Variants in PARD3B observed in about 807,000 individuals in gnomAD.
The protein encoded by PARD3B is partitioning defective 3 homolog B.
In PARD3B, 103 loss-of-function variants were observed where a neutral mutation model predicts 130.2. The observed-to-expected ratio is 0.79, with a 90% CI of 0.67 to 0.93. The LOEUF (loss-of-function observed/expected upper bound fraction) is 0.93, where lower values mean the gene tolerates loss of function less well. Among genes scored for constraint, PARD3B ranks in the 40% least tolerant of loss-of-function variants. The pLI is 0.00. For missense variants in PARD3B, 1,609 were observed against 1,499.2 expected (o/e 1.07, Z -1.21); for synonymous variants, 583 against 553.2 (o/e 1.05, Z -0.76).
intron 1 of PARD3B, among the ~76,000 whole-genome samples, chr2:204,616,644 T>C (rs191182125): frequency 9.5e-4 from 145 of 152,350 alleles, no homozygotes; most frequent in African/African-American, 3.4e-3. Context: ...TGAAAACTTA[T>C]GTTCACACAA....
At chr2:205,100,257 T>A (rs1046627101) in intron 4 of PARD3B, among the ~76,000 whole-genome samples, 4 of 152,262 alleles carry the variant, frequency 2.6e-5, no homozygotes, top group African/African-American at 9.6e-5. Flanking sequence ...GATATAAAAC[T>A]TTATAGCAAA....
At chr2:205,163,364 TTGA>T (rs1352533931) in intron 11 of PARD3B, among the ~76,000 whole-genome samples, 1 of 152,234 alleles carries the variant, frequency 6.6e-6, no homozygotes, top group African/African-American at 2.4e-5. Flanking sequence ...ATAAATTCTC[TTGA>T]TGATGAAGAA....
chr2:205,407,740 C>G lies in PARD3B; in HGVS notation c.2741+6617C>G, dbSNP rs1481853773. On this transcript the variant is annotated intron_variant, in intron 19 of 22. Coordinates refer to ENST00000406610, the MANE Select transcript of PARD3B (RefSeq NM_001302769.2). The surrounding 1 kb of genome is among the most constrained non-coding windows in gnomAD (Gnocchi z 4.1). Reference sequence around the variant, plus strand: ...TATCTCCACTGACACCAAAGACTGTCTTCCATTGAAGTCCCATATTACTGA... The same window carrying G: ...TATCTCCACTGACACCAAAGACTGTGTTCCATTGAAGTCCCATATTACTGA... Among the ~76,000 whole-genome samples, 4 of 152,100 alleles carry G rather than the reference C, an allele frequency of 2.6e-5. No homozygotes were observed. Among genetic ancestry groups the G allele is most frequent in the Non-Finnish European group, 4.4e-5 (3 of 68,022 alleles).
At chr2:205,101,627 C>T (rs934561429) in intron 4 of PARD3B, among the ~76,000 whole-genome samples, 1 of 152,172 alleles carries the variant, frequency 6.6e-6, no homozygotes, top group African/African-American at 2.4e-5. Flanking sequence ...TGGAAACAAC[C>T]CAAATGCTCA....
rs560164514 is a variant in PARD3B, at chr2:205,303,214, C to T, written c.2630+1513C>T. The stretch of plus-strand genomic sequence containing the variant: ...TGGTATGGTGGGAGGCAGGATTCCA[C>T]CTTCTCCTATTTCTCAGTCTTTGGA... On this transcript the variant is annotated intron_variant, in intron 18 of 22. Coordinates refer to ENST00000406610, the MANE Select transcript of PARD3B (RefSeq NM_001302769.2). Among the ~76,000 whole-genome samples, 13 of 152,304 alleles carry T rather than the reference C, an allele frequency of 8.5e-5. No individual in the cohort carries two copies. In the East Asian group the frequency reaches 2.5e-3, roughly 29 times the overall value.
chr2:205,171,086 C>T (rs1231336510), intron 11 of PARD3B, among the ~76,000 whole-genome samples: 2 of 152,176 alleles, frequency 1.3e-5, no homozygotes, highest in African/African-American at 4.8e-5. Flanking sequence ...CTGTGAGAAT[C>T]ACTAGAGGTA....
In PARD3B at chr2:205,349,719, A is replaced by G. The variant is rs1251325335; in HGVS notation, c.2630+48018A>G. ...AGTAGGTAACACTCAGTTACCTAAC[A>G]TCTTCCTAGTAATAAAATATAATAT... On this transcript the variant is annotated intron_variant, in intron 18 of 22. Transcript: ENST00000406610. 2.6e-5 allele frequency among the ~76,000 whole-genome samples: 4 copies of G among 151,960 alleles called. No homozygotes were observed. In the South Asian group the frequency reaches 8.3e-4, roughly 32 times the overall value.
chr2:205,594,925 G>A (rs2054515454), intron 22 of PARD3B, among the ~76,000 whole-genome samples: 1 of 152,138 alleles, frequency 6.6e-6, no homozygotes. Flanking sequence ...CCACATAGAA[G>A]ATCCAATTTT....
chr2:205,361,508 T>C (rs1390687841), intron 18 of PARD3B, among the ~76,000 whole-genome samples: 1 of 152,208 alleles, frequency 6.6e-6, no homozygotes, highest in South Asian at 2.1e-4. Flanking sequence ...ACCTCATTTC[T>C]AACACATTCT....
intron 1 of PARD3B, among the ~76,000 whole-genome samples, chr2:204,658,559 C>G (rs766755814): frequency 1.4e-4 from 22 of 152,114 alleles, no homozygotes; most frequent in Non-Finnish European, 2.8e-4. Flanking sequence ...TCAGTTACCT[C>G]AAAGCTGAGG....
In PARD3B at chr2:204,673,949, T is replaced by C. The variant is rs17595154; in HGVS notation, c.121-12232T>C. Among the ~76,000 whole-genome samples, 7,826 of 152,236 alleles carry C rather than the reference T, an allele frequency of 0.051. 332 individuals are homozygous for C. The highest frequency in any genetic ancestry group is 0.14 in the East Asian group (735 of 5,158). ...GCTTCTCCCATGCTGCCCTTGTCTA[T>C]ATCAAAAGATCTAAGTCTCAAGATT... is the stretch of plus-strand genomic sequence containing the variant. On this transcript the variant is annotated intron_variant, in intron 1 of 22. Transcript: ENST00000406610. The surrounding 1 kb of genome is among the most constrained non-coding windows in gnomAD (Gnocchi z 4.7).
At chr2:204,700,778 A>G (rs1212984619) in intron 2 of PARD3B, among the ~76,000 whole-genome samples, 1 of 152,106 alleles carries the variant, frequency 6.6e-6, no homozygotes, top group Admixed American at 6.6e-5. Flanking sequence ...GTGTTTAAGA[A>G]TTTCTTAAGG....
chr2:204,557,504 T>G (rs2031008175), intron 1 of PARD3B, among the ~76,000 whole-genome samples: 1 of 152,078 alleles, frequency 6.6e-6, no homozygotes, highest in Non-Finnish European at 1.5e-5. Flanking sequence ...AGAGAGTGAG[T>G]CTTCTTTATT....
intron 1 of PARD3B, among the ~76,000 whole-genome samples, chr2:204,590,241 C>G (rs999076193): frequency 5.9e-5 from 9 of 152,124 alleles, no homozygotes; most frequent in African/African-American, 2.2e-4. Context: ...TCTCTCCTGT[C>G]TCTTTTATAA....
chr2:205,612,844 C>G (rs1015964885), intron 22 of PARD3B, among the ~76,000 whole-genome samples: 1 of 152,188 alleles, frequency 6.6e-6, no homozygotes, highest in African/African-American at 2.4e-5. Context: ...GAGGTCTGCC[C>G]TATCTGCCCA....
At chr2:205,206,834 C>T (rs559496820) in intron 15 of PARD3B, among the ~76,000 whole-genome samples, 1 of 151,256 alleles carries the variant, frequency 6.6e-6, no homozygotes, top group Non-Finnish European at 1.5e-5. Context: ...CAAGGATACC[C>T]AGGAATTGAA....
chr2:204,648,652 A>AAT (rs1287895523), intron 1 of PARD3B, among the ~76,000 whole-genome samples: 21 of 114,646 alleles, frequency 1.8e-4, no homozygotes, highest in South Asian at 4.7e-4. Flanking sequence ...TTATATATAT[A>AAT]ATATATTTAT....
At chr2:204,727,866 G>A (rs1486932763) in intron 2 of PARD3B, among the ~76,000 whole-genome samples, 1 of 152,120 alleles carries the variant, frequency 6.6e-6, no homozygotes, top group East Asian at 1.9e-4. Flanking sequence ...ATCCCTCTGT[G>A]TGCAGCCTCT....
intron 4 of PARD3B, among the ~76,000 whole-genome samples, chr2:205,076,761 C>T (rs1289518942): frequency 6.6e-6 from 1 of 151,062 alleles, no homozygotes; most frequent in East Asian, 1.9e-4. Flanking sequence ...CATTTCATCC[C>T]AAAACCATTA....
Sources: allele counts gnomAD v4.1 joint callset (sites outside exome capture counted in the v4.1 genomes callset), GRCh38; gene constraint gnomAD v4.1.1; non-coding constraint Gnocchi (gnomAD v3.1); transcripts MANE v1.5; gene names NCBI Gene and HGNC (gene_info 2026-07-23, HGNC 2026-07-21).